SMC3: variants seen among roughly 807,000 people sequenced by gnomAD.
SMC3 encodes the protein structural maintenance of chromosomes 3.
Under a neutral mutation model 171.8 loss-of-function variants are expected in SMC3, and 20 were observed. The observed-to-expected ratio is 0.12, with a 90% CI of 0.08 to 0.17. The LOEUF (loss-of-function observed/expected upper bound fraction) is 0.17. SMC3 is among the 10% of genes least tolerant of loss of function. The pLI is 1.00. For missense variants in SMC3, 543 were observed against 1,420.4 expected (o/e 0.38, Z 9.93); for synonymous variants, 464 against 451.1 (o/e 1.03, Z -0.36).
At chr10:110,588,030 C>T (rs1466206803) in intron 13 of SMC3, among the ~76,000 whole-genome samples, 1 of 152,174 alleles carries the variant, frequency 6.6e-6, no homozygotes, top group Admixed American at 6.5e-5. Context: ...CTCGCTGTGT[C>T]ACCAGGTTGG....
At chr10:110,579,689 C>T (rs1861003094) in intron 7 of SMC3, among the ~76,000 whole-genome samples, 1 of 152,102 alleles carries the variant, frequency 6.6e-6, no homozygotes, top group Non-Finnish European at 1.5e-5. Flanking sequence ...TTTTCCAGTG[C>T]CCAGCAGTGG....
At position 110,596,483 on chromosome 10, in the gene SMC3, A is replaced by T; in HGVS notation, c.2049A>T (p.Arg683Ser). Residue 683 changes from arginine to serine, a missense_variant, in exon 19 of 29, where the codon AGA (arginine) becomes AGT (serine). By Grantham distance (110) the Arg-to-Ser change is moderately radical. Around this residue, in one of 8 missense-constraint regions of SMC3, gnomAD observed 218 missense variants for 509.6 expected, o/e 0.43. Transcript: ENST00000361804. ...GACTTGAATTGCAAAAAGATGTTAGAAAAGCAGAAGAAGAACTAGGTGAAC... is the reference window on the plus strand; with the variant it reads ...GACTTGAATTGCAAAAAGATGTTAGTAAAGCAGAAGAAGAACTAGGTGAAC... The part of the protein sequence containing the change: ...KSRLELQKDV[R>S]KAEEELGELE... The T allele has an allele frequency of 6.2e-7, 1 of 1,614,102 alleles. No individual in the cohort carries two copies.
chr10:110,599,913 A>C, intron 21 of SMC3, 101 bp downstream of exon 21: 1 of 1,101,808 alleles, frequency 9.1e-7, no homozygotes, highest in Non-Finnish European at 1.4e-6. Context: ...AAGAACTGAG[A>C]AAATATTAAA....
chr10:110,600,651 C>T, intron 22 of SMC3, 105 bp downstream of exon 22: 1 of 728,386 alleles, frequency 1.4e-6, no homozygotes, highest in Non-Finnish European at 2.5e-6. Context: ...GCTTTGGGGA[C>T]AGAAAGCTTA....
chr10:110,569,589 A>G (rs1856804), intron 2 of SMC3, among the ~76,000 whole-genome samples: 112,388 of 151,974 alleles, frequency 0.74, 42,754 homozygotes, highest in Non-Finnish European at 0.84. Flanking sequence ...CTATGTAACA[A>G]ACCTGCATGT....
intron 18 of SMC3, 63 bp from the exon 19 acceptor site, chr10:110,596,330 TTGTTA>T: frequency 2.8e-6 from 4 of 1,438,122 alleles, no homozygotes; most frequent in Non-Finnish European, 3.8e-6. Context: ...GTTAGTTTTT[TTGTTA>T]TAAGTCAATT....
intron 28 of SMC3, 90 bp from the exon 29 acceptor site, chr10:110,604,141 A>AATG: frequency 1.4e-6 from 1 of 706,768 alleles, no homozygotes; most frequent in Non-Finnish European, 2.4e-6. Flanking sequence ...AATGTAGTTA[A>AATG]ATGTAGTTGA....
chr10:110,575,247 C>A (rs1344830850), intron 3 of SMC3, 89 bp from the exon 4 acceptor site: 10 of 901,900 alleles, frequency 1.1e-5, no homozygotes, highest in Non-Finnish European at 1.8e-5. Flanking sequence ...TATTACCAGA[C>A]ACACTATGTT....
chr10:110,589,727 G>A lies in SMC3; in HGVS notation c.1409+19G>A, dbSNP rs758846546. 2.7e-6 allele frequency: 4 copies of A among 1,486,662 alleles called. No homozygotes were observed. The highest frequency in any genetic ancestry group is 2.3e-5 in the South Asian group (2 of 87,932). The allele number at this position is 1,486,662 out of a possible 1,614,324, so 92.1% of individuals were successfully genotyped here. The stretch of plus-strand genomic sequence containing the variant: ...AAAGAAAGTTAGTATAGACTAAAAT[G>A]TGCATTAATGTTTTCAGTAATGTTC... On this transcript the variant is annotated intron_variant, in intron 14 of 28. Transcript: ENST00000361804.
chr10:110,585,980 G>A (rs968959032), intron 13 of SMC3, among the ~76,000 whole-genome samples: 1 of 151,992 alleles, frequency 6.6e-6, no homozygotes, highest in Non-Finnish European at 1.5e-5. Context: ...TGTATTTTTA[G>A]TAGAATGGCG....
intron 2 of SMC3, among the ~76,000 whole-genome samples, chr10:110,573,009 C>G (rs1469817680): frequency 6.6e-6 from 1 of 152,136 alleles, no homozygotes; most frequent in Non-Finnish European, 1.5e-5. Flanking sequence ...TACATCCTTT[C>G]TGGCATGACA....
intron 13 of SMC3, among the ~76,000 whole-genome samples, chr10:110,587,706 AG>A (rs1221954858): frequency 2.0e-5 from 3 of 150,414 alleles, no homozygotes; most frequent in Non-Finnish European, 4.4e-5. Context: ...AAAAAAAAAA[AG>A]AAATATTGTA....
intron 4 of SMC3, among the ~76,000 whole-genome samples, chr10:110,577,032 A>G (rs1288739984): frequency 1.3e-5 from 2 of 152,180 alleles, no homozygotes; most frequent in African/African-American, 4.8e-5. Context: ...GCAAATAGGT[A>G]GAGTTAAATG....
In SMC3 at chr10:110,567,832, G is replaced by A. The variant is rs1860796277; in HGVS notation, c.15+1G>A. On this transcript the variant is annotated splice_donor_variant, in intron 1 of 28. Transcript: ENST00000361804. LOFTEE classifies it high-confidence loss of function. ...GCCCGGAATCATGTACATAAAGCAG[G>A]TAAGGCCTTCGCGTCCCTCCACCCC... is the stretch of plus-strand genomic sequence containing the variant. The A allele has an allele frequency of 6.2e-7, 1 of 1,613,410 alleles. No individual in the cohort carries two copies. The highest frequency in any genetic ancestry group is 8.5e-7 in the Non-Finnish European group (1 of 1,179,794).
intron 6 of SMC3, among the ~76,000 whole-genome samples, chr10:110,578,326 C>T (rs1258054831): frequency 1.3e-5 from 2 of 151,760 alleles, no homozygotes; most frequent in Non-Finnish European, 2.9e-5. Flanking sequence ...CTGCCTTGGC[C>T]TCCCAAAGTG....
At chr10:110,598,397 G>A in intron 20 of SMC3, 107 bp downstream of exon 20, 1 of 1,241,378 alleles carries the variant, frequency 8.1e-7, no homozygotes, top group Non-Finnish European at 1.2e-6. Flanking sequence ...TTTCATTTTT[G>A]TTTGGACCCA....
intron 21 of SMC3, 80 bp from the exon 22 acceptor site, chr10:110,600,359 A>G: frequency 2.6e-6 from 2 of 782,234 alleles, no homozygotes; most frequent in South Asian, 1.4e-5. Flanking sequence ...GAGCACAAGT[A>G]CTAGAGAGGA....
intron 12 of SMC3, 38 bp downstream of exon 12, chr10:110,584,000 C>T: frequency 6.2e-7 from 1 of 1,608,256 alleles, no homozygotes; most frequent in South Asian, 1.1e-5. Flanking sequence ...CTTTCTACAT[C>T]ATATTATGTA....
chr10:110,599,612 C>T lies in SMC3; in HGVS notation c.2269-42C>T, dbSNP rs1371107709. On this transcript the variant is annotated intron_variant, in intron 20 of 28. Transcript: ENST00000361804. Reference sequence around the variant, plus strand: ...TTTAAAATTTTCACTATAAGTAATACAGTGGCTAATACCTTACTAATAAAT... The same window carrying T: ...TTTAAAATTTTCACTATAAGTAATATAGTGGCTAATACCTTACTAATAAAT... 6 of 1,565,610 alleles carry T rather than the reference C, an allele frequency of 3.8e-6. No homozygotes were observed. In the African/African-American group the frequency reaches 4.1e-5, roughly 11 times the overall value.
Sources: allele counts gnomAD v4.1 joint callset (sites outside exome capture counted in the v4.1 genomes callset), GRCh38; gene constraint gnomAD v4.1.1; regional missense constraint gnomAD v4.1.1; transcripts MANE v1.5; gene names NCBI Gene and HGNC (gene_info 2026-07-23, HGNC 2026-07-21).